Variants in TBC1D31 observed in about 807,000 individuals in gnomAD.
TBC1D31 encodes the protein WD repeat domain 67.
TBC1D31 carries 99 observed loss-of-function variants against 132.9 expected under a neutral mutation model. That is an observed-to-expected ratio of 0.74 (90% confidence interval 0.63 to 0.88). The LOEUF is 0.88. TBC1D31 is among the 40% of genes least tolerant of loss of function. TBC1D31 has a pLI of 0.00. For missense variants in TBC1D31, 1,134 were observed against 1,256.6 expected (o/e 0.90, Z 1.48); for synonymous variants, 385 against 419.4 (o/e 0.92, Z 1.00).
the TBC1D31 span, among the ~76,000 whole-genome samples, chr8:123,160,979 CCTG>C: frequency 6.6e-6 from 1 of 152,200 alleles, no homozygotes; most frequent in East Asian, 1.9e-4. Flanking sequence ...CTGCAGGCGC[CCTG>C]CTGGAGTCCG....
chr8:123,077,572 C>A (rs1401929588), intron 2 of TBC1D31, among the ~76,000 whole-genome samples: 1 of 145,238 alleles, frequency 6.9e-6, no homozygotes, highest in African/African-American at 2.5e-5. Context: ...TGTTCTGTCG[C>A]CCAGGCTGGA....
chr8:123,081,935 G>A (rs903012295), intron 2 of TBC1D31, among the ~76,000 whole-genome samples: 3 of 152,210 alleles, frequency 2.0e-5, no homozygotes, highest in Non-Finnish European at 4.4e-5. Flanking sequence ...GGTGGGGACA[G>A]AGCCAAAGCG....
intron 2 of TBC1D31, among the ~76,000 whole-genome samples, chr8:123,079,037 T>C (rs945345488): frequency 6.6e-6 from 1 of 152,192 alleles, no homozygotes; most frequent in African/African-American, 2.4e-5. Flanking sequence ...CCAAGATATA[T>C]AACCTGAATC....
intron 16 of TBC1D31, among the ~76,000 whole-genome samples, chr8:123,132,867 C>T (rs1345838899): frequency 6.6e-6 from 1 of 152,242 alleles, no homozygotes; most frequent in East Asian, 1.9e-4. Context: ...TATTTCATTA[C>T]TGTAGAAAAG....
At chr8:123,157,360 A>G in the TBC1D31 span, among the ~76,000 whole-genome samples, 3 of 152,178 alleles carry the variant, frequency 2.0e-5, no homozygotes, top group East Asian at 5.8e-4. Flanking sequence ...TCTGCTGCGC[A>G]TGCCCACTTT....
chr8:123,077,174 T>C lies in TBC1D31; in HGVS notation c.141T>C (p.Asn47=). ...ATCCAAAAGTTTTGCGATTTTTGAA[T>C]GTGGCTTTTGATGGCACAGGCGACT... ...DYHPKVLRFL[N]VAFDGTGDCL... The change falls in exon 2 of 22, where the codon AAT becomes AAC. Residue 47 remains asparagine, a synonymous_variant. Coordinates refer to ENST00000287380, the MANE Select transcript of TBC1D31 (RefSeq NM_145647.4). 6.2e-7 allele frequency: 1 copy of C among 1,613,310 alleles called. No homozygotes were observed. The highest frequency in any genetic ancestry group is 1.1e-5 in the South Asian group (1 of 90,910).
intron 19 of TBC1D31, 108 bp from the exon 20 acceptor site, chr8:123,144,609 G>C: frequency 9.4e-7 from 1 of 1,069,424 alleles, no homozygotes; most frequent in Non-Finnish European, 1.3e-6. Context: ...ACTTGCCATG[G>C]GAATATAAAG....
chr8:123,082,636 T>C lies in TBC1D31; in HGVS notation c.225-66T>C. The stretch of plus-strand genomic sequence containing the variant: ...TTTCATTTTCTTCGTCTCTACGGAC[T>C]CCTTCCACATGGAATTTGTAATTAT... On this transcript the variant is annotated intron_variant, in intron 2 of 21. Coordinates refer to ENST00000287380, the MANE Select transcript of TBC1D31 (RefSeq NM_145647.4). 5 of 1,169,918 alleles carry C rather than the reference T, an allele frequency of 4.3e-6. No homozygotes were observed. The South Asian group carries it at 6.6e-5, about 16-fold the overall frequency. The allele number at this position is 1,169,918 out of a possible 1,614,324, so 72.5% of individuals were successfully genotyped here. A position where few individuals can be genotyped will look rare whatever the true frequency, so the allele number is the denominator to read the frequency against.
At chr8:123,117,779 A>AT (rs1438749584) in intron 10 of TBC1D31, among the ~76,000 whole-genome samples, 2 of 134,600 alleles carry the variant, frequency 1.5e-5, no homozygotes, top group African/African-American at 5.6e-5. Flanking sequence ...AAAAAAAAAA[A>AT]ATTAATTGAG....
intron 16 of TBC1D31, among the ~76,000 whole-genome samples, chr8:123,131,854 G>A (rs1301030928): frequency 1.3e-5 from 2 of 152,038 alleles, no homozygotes; most frequent in East Asian, 1.9e-4. Flanking sequence ...ATGACAAATC[G>A]TCTATTTTAA....
At chr8:123,090,803 A>G (rs1159855140) in intron 4 of TBC1D31, among the ~76,000 whole-genome samples, 1 of 152,012 alleles carries the variant, frequency 6.6e-6, no homozygotes, top group Non-Finnish European at 1.5e-5. Context: ...TATACAAAAA[A>G]TTAGCCGGGC....
intron 10 of TBC1D31, among the ~76,000 whole-genome samples, chr8:123,110,592 A>C (rs906535652): frequency 2.0e-5 from 3 of 152,154 alleles, no homozygotes; most frequent in African/African-American, 7.2e-5. Flanking sequence ...CAGCTTCAAC[A>C]ATTGCCAACT....
Position 123,128,469 on chromosome 8 carries a change from A to G in TBC1D31, c.2073A>G (p.Glu691=). The G allele has an allele frequency of 1.9e-6, 3 of 1,613,502 alleles. No homozygotes were observed. The highest frequency in any genetic ancestry group is 2.5e-6 in the Non-Finnish European group (3 of 1,179,410). Residue 691 remains glutamate (E), a synonymous_variant, in exon 14 of 22, where the codon GAA becomes GAG. Transcript: ENST00000287380. ...TTATTGTGGACTATCAAACACAGGA[A>G]CGAGAAAGAATAAGGAATGATGAAT... is the stretch of plus-strand genomic sequence containing the variant. The part of the protein sequence containing the change: ...PKFIVDYQTQ[E]RERIRNDELD...
intron 6 of TBC1D31, among the ~76,000 whole-genome samples, chr8:123,098,932 A>G (rs770390070): frequency 1.3e-5 from 2 of 152,212 alleles, no homozygotes; most frequent in Non-Finnish European, 2.9e-5. Context: ...AGAACTTTAT[A>G]GAGTGTCACC....
At chr8:123,126,219 T>TTTTTCTAACATGTTTTCTA in intron 12 of TBC1D31, 30 bp downstream of exon 12, 1 of 1,585,370 alleles carries the variant, frequency 6.3e-7, no homozygotes, top group African/African-American at 1.4e-5. Context: ...TAGAATAACA[T>TTTTTCTAACATGTTTTCTA]GCCTTATTTT....
intron 10 of TBC1D31, among the ~76,000 whole-genome samples, chr8:123,119,260 C>T (rs1278367543): frequency 1.3e-5 from 2 of 152,158 alleles, no homozygotes; most frequent in Non-Finnish European, 2.9e-5. Context: ...ATTGCAAATG[C>T]ACGTATTCTT....
intron 2 of TBC1D31, among the ~76,000 whole-genome samples, chr8:123,078,891 A>G (rs576938387): frequency 2.0e-5 from 3 of 152,360 alleles, no homozygotes; most frequent in South Asian, 2.1e-4. Flanking sequence ...AAATTATACA[A>G]TGAAGAAGCC....
Position 123,077,270 on chromosome 8 carries a change from C to A in TBC1D31, c.224+13C>A, listed in dbSNP as rs893999927. 3 of 1,592,820 alleles carry A rather than the reference C, an allele frequency of 1.9e-6. No homozygotes were observed. The highest frequency in any genetic ancestry group is 2.6e-6 in the Non-Finnish European group (3 of 1,172,400). ...TACATGGAAACAGGTAAGCAGATAC[C>A]ATTGATATCTACGTTCTTTAACAAG... On this transcript the variant is annotated intron_variant, in intron 2 of 21. Coordinates refer to ENST00000287380, the MANE Select transcript of TBC1D31 (RefSeq NM_145647.4).
Position 123,100,851 on chromosome 8 carries a change from T to C in TBC1D31, c.876T>C (p.Asn292=). Residue 292 remains asparagine (N), a synonymous_variant, in exon 7 of 22, where the codon AAT becomes AAC. Coordinates refer to ENST00000287380, the MANE Select transcript of TBC1D31 (RefSeq NM_145647.4). Reference sequence around the variant, plus strand: ...AAGATGGTATTATGAGATTTATCAATATGCAGACTTGTAAACTTCTCTTTG... The same window carrying C: ...AAGATGGTATTATGAGATTTATCAACATGCAGACTTGTAAACTTCTCTTTG... ...LSQDGIMRFI[N]MQTCKLLFEI... 1 of 1,613,996 alleles carries C rather than the reference T, an allele frequency of 6.2e-7. No homozygotes were observed. Among genetic ancestry groups the C allele is most frequent in the Non-Finnish European group, 8.5e-7 (1 of 1,179,930 alleles).
Sources: gnomAD v4.1 joint callset for allele counts (sites outside exome capture counted in the v4.1 genomes callset) on GRCh38, gnomAD v4.1.1 for gene constraint, MANE v1.5 for transcripts, NCBI Gene and HGNC (gene_info 2026-07-23, HGNC 2026-07-21) for gene names.